The following FNDC3B variants were observed in gnomAD, a reference collection of about 807,000 sequenced individuals.
FNDC3B encodes the protein fibronectin type III domain-containing protein 3B.
Under a neutral mutation model 151.5 loss-of-function variants are expected in FNDC3B, and 12 were observed. The ratio of observed to expected loss-of-function variants is 0.08; its 90% CI spans 0.05 to 0.13. FNDC3B has a LOEUF of 0.13. Among genes scored for constraint, FNDC3B ranks in the 10% least tolerant of loss-of-function variants. The pLI, the probability that FNDC3B is intolerant of heterozygous loss-of-function variation, is 1.00. For missense variants in FNDC3B, 1,214 were observed against 1,505.3 expected, an observed-to-expected ratio of 0.81 and a Z score of 3.20; for synonymous variants, 528 against 549.0, an observed-to-expected ratio of 0.96 and a Z score of 0.54.
At chr3:172,358,879 A>G (rs1301516430) in intron 22 of FNDC3B, among the ~76,000 whole-genome samples, 1 of 151,718 alleles carries the variant, frequency 6.6e-6, no homozygotes, top group Non-Finnish European at 1.5e-5. Flanking sequence ...AATTTCCCCA[A>G]GGTCTCCAAA....
At chr3:172,213,863 A>G (rs942487238) in intron 3 of FNDC3B, among the ~76,000 whole-genome samples, 1 of 152,260 alleles carries the variant, frequency 6.6e-6, no homozygotes, top group Middle Eastern at 3.4e-3. Context: ...TGTTACCCCA[A>G]ATGTAGACCC....
At chr3:172,167,213 T>C (rs1270016652) in intron 3 of FNDC3B, among the ~76,000 whole-genome samples, 1 of 152,194 alleles carries the variant, frequency 6.6e-6, no homozygotes, top group Non-Finnish European at 1.5e-5. Flanking sequence ...CTGGCCAACA[T>C]GGCGAAACCC....
At chr3:172,113,723 A>G (rs954492027) in intron 2 of FNDC3B, among the ~76,000 whole-genome samples, 3 of 152,060 alleles carry the variant, frequency 2.0e-5, no homozygotes, top group Admixed American at 2.0e-4. Flanking sequence ...TCCCCACCCA[A>G]TAAAACAAAA....
chr3:172,212,738 G>A (rs1725794053), intron 3 of FNDC3B, among the ~76,000 whole-genome samples: 1 of 152,104 alleles, frequency 6.6e-6, no homozygotes, highest in Non-Finnish European at 1.5e-5. Flanking sequence ...TAAGTAACTT[G>A]CCCAGGGCCA....
chr3:172,389,421 G>GC (rs1560112409), intron 25 of FNDC3B, among the ~76,000 whole-genome samples: 1 of 152,184 alleles, frequency 6.6e-6, no homozygotes, highest in Non-Finnish European at 1.5e-5. Flanking sequence ...AGGTAGACAA[G>GC]CTATGAAGTA....
intron 6 of FNDC3B, among the ~76,000 whole-genome samples, chr3:172,275,241 G>A (rs1729377131): frequency 6.6e-6 from 1 of 152,092 alleles, no homozygotes; most frequent in Non-Finnish European, 1.5e-5. Flanking sequence ...TGTAAATCTA[G>A]TATTTCAGCT....
intron 1 of FNDC3B, among the ~76,000 whole-genome samples, chr3:172,109,164 CTTTTTTTTT>C (rs398052444): frequency 8.3e-6 from 1 of 120,070 alleles, no homozygotes; most frequent in African/African-American, 3.2e-5. Context: ...GCCTTGGATT[CTTTTTTTTT>C]TTTTTTTTTT....
At chr3:172,206,632 C>G (rs1440456126) in intron 3 of FNDC3B, among the ~76,000 whole-genome samples, 1 of 129,216 alleles carries the variant, frequency 7.7e-6, no homozygotes, top group Non-Finnish European at 1.5e-5. Flanking sequence ...GCATTCCAGC[C>G]TGGGCAACAA....
chr3:172,163,917 T>A (rs1722894973), intron 3 of FNDC3B, among the ~76,000 whole-genome samples: 1 of 152,252 alleles, frequency 6.6e-6, no homozygotes, highest in Non-Finnish European at 1.5e-5. Context: ...ACATTCAGAC[T>A]TTTAGCAGTT....
intron 1 of FNDC3B, among the ~76,000 whole-genome samples, chr3:172,041,531 G>A (rs545034366): frequency 5.8e-4 from 84 of 145,240 alleles, no homozygotes; most frequent in Non-Finnish European, 1.1e-3. Flanking sequence ...GAGGTGGGGC[G>A]TTGGGAATGG....
intron 3 of FNDC3B, among the ~76,000 whole-genome samples, chr3:172,194,647 T>C (rs1724735164): frequency 6.6e-6 from 1 of 152,224 alleles, no homozygotes; most frequent in African/African-American, 2.4e-5. Context: ...GTATTGAGTA[T>C]TTGAAACACT....
chr3:172,312,516 T>C (rs1241676848), intron 11 of FNDC3B, among the ~76,000 whole-genome samples: 6 of 152,222 alleles, frequency 3.9e-5, no homozygotes, highest in Admixed American at 3.3e-4. Flanking sequence ...GACCGTTTAA[T>C]GAAAGTCTCT....
At chr3:172,322,173 A>C (rs755017529) in intron 11 of FNDC3B, among the ~76,000 whole-genome samples, 3 of 152,082 alleles carry the variant, frequency 2.0e-5, no homozygotes, top group Non-Finnish European at 4.4e-5. Context: ...TCATATCTAG[A>C]GTTTCAGCGA....
chr3:172,396,887 A>G (rs1048963343), intron 25 of FNDC3B, among the ~76,000 whole-genome samples: 1 of 152,214 alleles, frequency 6.6e-6, no homozygotes, highest in African/African-American at 2.4e-5. Flanking sequence ...ATGCATCCTT[A>G]CTACTTAAAA....
At chr3:172,077,528 C>A (rs1245977674) in intron 1 of FNDC3B, among the ~76,000 whole-genome samples, 2 of 152,114 alleles carry the variant, frequency 1.3e-5, no homozygotes, top group African/African-American at 4.8e-5. Flanking sequence ...CTTTCTAGTC[C>A]AAGTTAGCAG....
chr3:172,053,229 A>G (rs1007273448), intron 1 of FNDC3B, among the ~76,000 whole-genome samples: 21 of 152,192 alleles, frequency 1.4e-4, no homozygotes, highest in Admixed American at 1.2e-3. Context: ...GAGTGCCCCC[A>G]TAAGTGTTTA....
At chr3:172,251,916 T>C (rs1040195050) in intron 6 of FNDC3B, among the ~76,000 whole-genome samples, 1 of 152,226 alleles carries the variant, frequency 6.6e-6, no homozygotes, top group Non-Finnish European at 1.5e-5. Context: ...TCAAAATAAT[T>C]ATACCTCATA....
chr3:172,122,735 A>G (rs1720612823), intron 2 of FNDC3B, among the ~76,000 whole-genome samples: 1 of 152,190 alleles, frequency 6.6e-6, no homozygotes, highest in South Asian at 2.1e-4. Context: ...CTTGCTCCTT[A>G]CAGCATAGTA....
At chr3:172,145,718 A>G (rs534412761) in intron 3 of FNDC3B, among the ~76,000 whole-genome samples, 16 of 152,316 alleles carry the variant, frequency 1.1e-4, no homozygotes, top group East Asian at 5.8e-4. Flanking sequence ...TACTTAGGCA[A>G]TGCTAGAACT....
Sources: gnomAD v4.1 joint callset for allele counts (sites outside exome capture counted in the v4.1 genomes callset) on GRCh38, gnomAD v4.1.1 for gene constraint, MANE v1.5 for transcripts, NCBI Gene and HGNC (gene_info 2026-07-23, HGNC 2026-07-21) for gene names.